The following WDR3 variants were observed in gnomAD, a reference collection of about 807,000 sequenced individuals.
WDR3 encodes the protein WD repeat domain 3.
WDR3 carries 81 observed loss-of-function variants against 123.7 expected under a neutral mutation model. That is an observed-to-expected ratio of 0.65 (90% CI 0.55 to 0.79). WDR3 has a LOEUF of 0.79. Ranked by LOEUF, WDR3 falls within the 30% of genes least tolerant of loss-of-function variation. The pLI is 0.00. For missense variants in WDR3, 1,027 were observed against 1,123.2 expected (o/e 0.91, Z 1.22); for synonymous variants, 390 against 388.8 (o/e 1.00, Z -0.04).
rs780860466 is a variant in WDR3, at chr1:117,942,557, A to G, written c.1097+13A>G. The G allele has an allele frequency of 3.7e-6, 6 of 1,602,162 alleles. No homozygotes were observed. The highest frequency in any genetic ancestry group is 5.1e-6 in the Non-Finnish European group (6 of 1,170,006). On this transcript the variant is annotated intron_variant, in intron 10 of 26. Transcript: ENST00000349139. Reference sequence around the variant, plus strand: ...CTGCCAAAATCAAGTGAGTAAAAATAAATTATCTGAAGTTATAGAAATAGT... The same window carrying G: ...CTGCCAAAATCAAGTGAGTAAAAATGAATTATCTGAAGTTATAGAAATAGT...
At chr1:117,949,613 C>G in intron 13 of WDR3, 138 bp from the exon 14 acceptor site, 1 of 920,432 alleles carries the variant, frequency 1.1e-6, no homozygotes, top group Non-Finnish European at 1.6e-6. Flanking sequence ...GTGAAAGGGG[C>G]TAGGGAGAAC....
At position 117,949,171 on chromosome 1, in the gene WDR3, T is replaced by C. The variant is rs1418459914; in HGVS notation, c.1525-580T>C. Among the ~76,000 whole-genome samples, 3 of 152,196 alleles carry C rather than the reference T, an allele frequency of 2.0e-5. No homozygotes were observed. In the South Asian group the frequency reaches 6.2e-4, roughly 32 times the overall value. ...CTAAAATAGTAATAAATCTTGCATT[T>C]GTAGAGTGTTCTATCTTTTCCATAA... On this transcript the variant is annotated intron_variant, in intron 13 of 26. Coordinates refer to ENST00000349139, the MANE Select transcript of WDR3 (RefSeq NM_006784.3).
At chr1:117,937,795 G>A (rs1291776957) in intron 4 of WDR3, among the ~76,000 whole-genome samples, 1 of 152,094 alleles carries the variant, frequency 6.6e-6, no homozygotes, top group Non-Finnish European at 1.5e-5. Context: ...AGTAGTAGAG[G>A]CCATTGGCTG....
In WDR3 at chr1:117,952,964, G is replaced by A. The variant is rs768299201; in HGVS notation, c.2170G>A (p.Glu724Lys). ...EREMEREAEYEESVAKEDQPA... is the reference protein window; with the variant it reads ...EREMEREAEYKESVAKEDQPA... ...ATGGCAGGAAAGAGAAGCAGAATAT[G>A]AGGAGAGTGTGGCCAAAGAAGACCA... The change falls in exon 20 of 27, where the codon GAG becomes AAG. Residue 724 changes from glutamate (E) to lysine (K), a missense_variant. Transcript: ENST00000349139. 1 of 1,613,088 alleles carries A rather than the reference G, an allele frequency of 6.2e-7. No homozygotes were observed. Among genetic ancestry groups the A allele is most frequent in the Admixed American group, 1.7e-5 (1 of 59,900 alleles).
intron 24 of WDR3, among the ~76,000 whole-genome samples, chr1:117,955,640 G>A (rs1047905819): frequency 2.0e-5 from 3 of 151,810 alleles, no homozygotes; most frequent in Non-Finnish European, 4.4e-5. Context: ...AGCACCAATT[G>A]TTAATTTGTT....
rs962516655 is a variant in WDR3 at position 117,960,763 on chromosome 1, A to G, written c.*1316A>G. 4 of 151,932 alleles carry G rather than the reference A, an allele frequency of 2.6e-5. No individual in the cohort carries two copies. The highest frequency in any genetic ancestry group is 9.7e-5 in the African/African-American group (4 of 41,372). 9.4% of individuals were successfully genotyped at this position (151,932 alleles called of 1,614,324 possible). A position where few individuals can be genotyped will look rare whatever the true frequency, so the allele number is the denominator to read the frequency against. ...TGATTTAATACTGCATCTTTACATT[A>G]TTTTACATTTCTCCCAAAACTGTGA... On this transcript the variant is annotated 3_prime_UTR_variant, in exon 27 of 27. Transcript: ENST00000349139.
rs1331947639 is a variant in WDR3, at chr1:117,962,222, C to T, written c.*2775C>T. On this transcript the variant is annotated 3_prime_UTR_variant, in exon 27 of 27. Coordinates refer to ENST00000349139, the MANE Select transcript of WDR3 (RefSeq NM_006784.3). ...AACTTTTATGATAAAGTGACATGTA[C>T]AGAACCTAGCCAAGTTACAATTTTT... 1 of 152,096 alleles carries T rather than the reference C, an allele frequency of 6.6e-6. No homozygotes were observed. Among genetic ancestry groups the T allele is most frequent in the African/African-American group, 2.4e-5 (1 of 41,400 alleles). 9.4% of individuals were successfully genotyped at this position (152,096 alleles called of 1,614,324 possible).
rs191175586 is a variant in WDR3, at chr1:117,941,088, A to C, written c.790-36A>C. The C allele has an allele frequency of 4.6e-3, 7,468 of 1,608,326 alleles. 26 individuals carry two copies. Among genetic ancestry groups the C allele is most frequent in the Non-Finnish European group, 5.8e-3 (6,857 of 1,175,798 alleles). Reference sequence around the variant, plus strand: ...TTTTTTCAGAAGTTCAGCAGAACTTACATCTAACCTTCATCTGCTCTTGCT... The same window carrying C: ...TTTTTTCAGAAGTTCAGCAGAACTTCCATCTAACCTTCATCTGCTCTTGCT... On this transcript the variant is annotated intron_variant, in intron 7 of 26. Coordinates refer to ENST00000349139, the MANE Select transcript of WDR3 (RefSeq NM_006784.3).
intron 12 of WDR3, among the ~76,000 whole-genome samples, chr1:117,946,443 A>G (rs912172745): frequency 6.6e-6 from 1 of 152,188 alleles, no homozygotes; most frequent in African/African-American, 2.4e-5. Flanking sequence ...TTATGGGCGC[A>G]TATGTAATTG....
chr1:117,955,420 C>A, intron 24 of WDR3, 62 bp downstream of exon 24: 1 of 1,457,522 alleles, frequency 6.9e-7, no homozygotes, highest in Non-Finnish European at 9.6e-7. Flanking sequence ...AAGTGCTTAT[C>A]TGAACGGGAA....
intron 25 of WDR3, among the ~76,000 whole-genome samples, chr1:117,958,121 CAA>C (rs1164965326): frequency 6.6e-6 from 1 of 152,144 alleles, no homozygotes; most frequent in Non-Finnish European, 1.5e-5. Flanking sequence ...GTTATGAAGA[CAA>C]AAACTGGTCA....
intron 23 of WDR3, 191 bp from the exon 24 acceptor site, chr1:117,955,124 G>C: frequency 2.1e-6 from 1 of 477,090 alleles, no homozygotes; most frequent in Admixed American, 3.9e-5. Flanking sequence ...TTGTAGCATA[G>C]TTGGTAAGGG....
At position 117,955,050 on chromosome 1, in the gene WDR3, T is replaced by G. The variant is rs549027177; in HGVS notation, c.2410-265T>G. On this transcript the variant is annotated intron_variant, in intron 23 of 26. Transcript: ENST00000349139. ...TCTCTAATTAGTATTTTATTGCATGTCTCATCACAGTAATTTTGTGAGTCA... is the reference window on the plus strand; with the variant it reads ...TCTCTAATTAGTATTTTATTGCATGGCTCATCACAGTAATTTTGTGAGTCA... The G allele has an allele frequency of 2.6e-4, 107 of 414,898 alleles. 1 individual carries two copies. The highest frequency in any genetic ancestry group is 3.9e-4 in the Non-Finnish European group (92 of 235,256). 25.7% of individuals were successfully genotyped at this position (414,898 alleles called of 1,614,324 possible).
chr1:117,950,076 GGCTGTGTCTTT>G lies in WDR3; in HGVS notation c.1697_1707del (p.Val566GlyfsTer10). The stretch of plus-strand genomic sequence containing the variant: ...GTTACTCTCCCAATCAAAAGCTATT[GGCTGTGTCTTT>G]GCTGGACTGTACTGTGAAAATTTTC... On this transcript the variant is annotated frameshift_variant, in exon 15 of 27. Transcript: ENST00000349139. LOFTEE classifies it high-confidence loss of function. 1 of 1,613,680 alleles carries G rather than the reference GGCTGTGTCTTT, an allele frequency of 6.2e-7. No homozygotes were observed. Among genetic ancestry groups the G allele is most frequent in the South Asian group, 1.1e-5 (1 of 91,042 alleles).
intron 2 of WDR3, 112 bp downstream of exon 2, chr1:117,933,602 C>A: frequency 1.4e-6 from 2 of 1,422,490 alleles, no homozygotes; most frequent in East Asian, 2.3e-5. Flanking sequence ...GTGTCTGTGC[C>A]CTTAGAAGAA....
At chr1:117,943,874 C>T in intron 11 of WDR3, among the ~76,000 whole-genome samples, 1 of 151,228 alleles carries the variant, frequency 6.6e-6, no homozygotes. Flanking sequence ...GAAAAACACA[C>T]AACCATACTA....
Position 117,959,479 on chromosome 1 carries a change from CT to C in WDR3, c.*37del. 6.5e-7 allele frequency: 1 copy of C among 1,544,764 alleles called. No homozygotes were observed. ...AATGTGGTATCTTTTTTTTTTTCAA[CT>C]TTTTCCTTTAAAGGACTCCTAAACT... On this transcript the variant is annotated 3_prime_UTR_variant, in exon 27 of 27. Coordinates refer to ENST00000349139, the MANE Select transcript of WDR3 (RefSeq NM_006784.3).
At chr1:117,940,676 T>C (rs563326601) in intron 6 of WDR3, 151 bp from the exon 7 acceptor site, 2 of 670,262 alleles carry the variant, frequency 3.0e-6, no homozygotes, top group Admixed American at 2.8e-5. Context: ...TGCAGTGAGA[T>C]GTGATCATGC....
At position 117,962,422 on chromosome 1, in the gene WDR3, G is replaced by A. The variant is rs1653222931; in HGVS notation, c.*2975G>A. On this transcript the variant is annotated 3_prime_UTR_variant, in exon 27 of 27. Transcript: ENST00000349139. ...AACCATCTAATGACTAATATCTCTTGCATATTGTGAAGTAAGTTACCTATA... is the reference window on the plus strand; with the variant it reads ...AACCATCTAATGACTAATATCTCTTACATATTGTGAAGTAAGTTACCTATA... 1 of 151,924 alleles carries A rather than the reference G, an allele frequency of 6.6e-6. No homozygotes were observed. Among genetic ancestry groups the A allele is most frequent in the Non-Finnish European group, 1.5e-5 (1 of 68,006 alleles). The allele number at this position is 151,924 out of a possible 1,614,324, so 9.4% of individuals were successfully genotyped here. A position where few individuals can be genotyped will look rare whatever the true frequency, so the allele number is the denominator to read the frequency against.
Sources: gnomAD v4.1 joint callset for allele counts (sites outside exome capture counted in the v4.1 genomes callset) on GRCh38, gnomAD v4.1.1 for gene constraint, MANE v1.5 for transcripts, NCBI Gene and HGNC (gene_info 2026-07-23, HGNC 2026-07-21) for gene names.